Variants in GRIK1 observed in about 807,000 individuals in gnomAD.
GRIK1 encodes glutamate receptor ionotropic, kainate 1.
A neutral mutation model predicts 105.7 loss-of-function variants in GRIK1; 69 were observed. The ratio of observed to expected loss-of-function variants is 0.65; its 90% CI spans 0.54 to 0.80. The LOEUF (loss-of-function observed/expected upper bound fraction) is 0.80, where lower values mean the gene tolerates loss of function less well. Among genes scored for constraint, GRIK1 ranks in the 30% least tolerant of loss-of-function variants. GRIK1 has a pLI of 0.00. For synonymous variants in GRIK1, 438 were observed against 431.3 expected, an observed-to-expected ratio of 1.02 and a Z score of -0.19; for missense variants, 1,109 against 1,167.3, an observed-to-expected ratio of 0.95 and a Z score of 0.73.
chr21:29,834,735 A>C (rs1330263361), intron 1 of GRIK1, among the ~76,000 whole-genome samples: 1 of 151,228 alleles, frequency 6.6e-6, no homozygotes, highest in African/African-American at 2.4e-5. Flanking sequence ...ATTGCTTAGC[A>C]CATTTCTGGC....
In GRIK1 at chr21:29,689,750, T is replaced by A. The variant is rs363538; in HGVS notation, c.522A>T (p.Thr174=). ...TACCTGTGCTGTCTTCATACACCAC[T>A]GTCACTGTTTTCCAGTTGTAATAGA... ...LVLYYNWKTV[T]VVYEDSTGLI... The change falls in exon 3 of 18, where the codon ACA becomes ACT. Residue 174 remains threonine, a synonymous_variant. Transcript: ENST00000327783. The A allele has an allele frequency of 1.2e-6, 2 of 1,613,548 alleles. No homozygotes were observed. Among genetic ancestry groups the A allele is most frequent in the Admixed American group, 1.7e-5 (1 of 59,978 alleles).
intron 1 of GRIK1, among the ~76,000 whole-genome samples, chr21:29,877,730 A>T (rs944126883): frequency 6.6e-6 from 1 of 152,190 alleles, no homozygotes; most frequent in Non-Finnish European, 1.5e-5. Flanking sequence ...AATCTAACTT[A>T]AAGCTTTTTA....
intron 7 of GRIK1, among the ~76,000 whole-genome samples, chr21:29,632,145 A>G (rs1429726872): frequency 6.6e-6 from 1 of 152,144 alleles, no homozygotes; most frequent in Non-Finnish European, 1.5e-5. Flanking sequence ...TTCAAGTTCC[A>G]TGTTATCTGT....
intron 1 of GRIK1, among the ~76,000 whole-genome samples, chr21:29,851,012 C>T (rs958954350): frequency 1.3e-5 from 2 of 151,736 alleles, no homozygotes; most frequent in African/African-American, 4.8e-5. Context: ...AGCTTATTTG[C>T]TTTACAGATC....
intron 1 of GRIK1, among the ~76,000 whole-genome samples, chr21:29,852,013 T>A (rs117368946): frequency 0.024 from 3,609 of 152,308 alleles, 70 homozygotes; most frequent in Non-Finnish European, 0.038. Context: ...TTCTTACCTC[T>A]ATGGAAAAAT....
intron 7 of GRIK1, among the ~76,000 whole-genome samples, chr21:29,638,210 C>T (rs755071727): frequency 3.3e-5 from 5 of 151,846 alleles, no homozygotes; most frequent in African/African-American, 4.8e-5. Context: ...TTCTGCATGG[C>T]TGGGGAGGCC....
At chr21:29,567,593 A>G (rs114095269) in intron 14 of GRIK1, among the ~76,000 whole-genome samples, 1,584 of 152,296 alleles carry the variant, frequency 0.01, 26 homozygotes, top group African/African-American at 0.036. Flanking sequence ...ATATGCATAT[A>G]GAACAAATGA....
chr21:29,799,632 C>G (rs144259296), intron 1 of GRIK1, among the ~76,000 whole-genome samples: 1 of 152,166 alleles, frequency 6.6e-6, no homozygotes, highest in Non-Finnish European at 1.5e-5. Flanking sequence ...TGGGTTCCAG[C>G]GATTCTCTTG....
chr21:29,928,740 A>G (rs2071467774), intron 1 of GRIK1, among the ~76,000 whole-genome samples: 2 of 152,186 alleles, frequency 1.3e-5, no homozygotes, highest in South Asian at 4.1e-4. Context: ...CTGCTCAGTC[A>G]GGGATTTGGG....
chr21:29,606,695 C>CA (rs796224241), intron 7 of GRIK1, among the ~76,000 whole-genome samples: 26 of 114,580 alleles, frequency 2.3e-4, no homozygotes, highest in African/African-American at 6.1e-4. Flanking sequence ...CAAAACAAAA[C>CA]AAAAAAAACA....
chr21:29,939,341 A>G (rs1210963681), intron 1 of GRIK1, 42 bp downstream of exon 1: 1 of 1,191,880 alleles, frequency 8.4e-7, no homozygotes, highest in Admixed American at 2.0e-5. Context: ...TGGTGCGGCG[A>G]CCGACCACGT....
At position 29,560,279 on chromosome 21, in the gene GRIK1, TTTTCTTTCTTTCTTTCTTTC is replaced by T. The variant is rs56295343; in HGVS notation, c.2356+1325_2356+1344del. 4.6e-3 allele frequency among the ~76,000 whole-genome samples: 321 copies of T among 69,928 alleles called. 6 individuals are homozygous for T. The highest frequency in any genetic ancestry group is 7.7e-3 in the Middle Eastern group (1 of 130). The allele number at this position is 69,928 out of a possible 152,430, so 45.9% of individuals were successfully genotyped here. On this transcript the variant is annotated intron_variant, in intron 15 of 17. Transcript: ENST00000327783. Reference sequence around the variant, plus strand: ...TATACCAGGACCTTATATGATACAGTTTTCTTTCTTTCTTTCTTTCTTTCTTTCTTTCTTTCTTTCTTTCT... The same window carrying T: ...TATACCAGGACCTTATATGATACAGTTTTCTTTCTTTCTTTCTTTCTTTCT...
At chr21:29,601,247 A>C (rs73350412) in intron 7 of GRIK1, 2 of 509,266 alleles carry the variant, frequency 3.9e-6, no homozygotes, top group Admixed American at 1.9e-5. Flanking sequence ...AGCGGCCTTC[A>C]CCTGTTCTTG....
chr21:29,852,953 A>C (rs984486055), intron 1 of GRIK1, among the ~76,000 whole-genome samples: 9 of 152,210 alleles, frequency 5.9e-5, no homozygotes, highest in Non-Finnish European at 1.3e-4. Context: ...AATGTAATTC[A>C]TTCTGATCTT....
At chr21:29,902,543 A>G (rs969347929) in intron 1 of GRIK1, among the ~76,000 whole-genome samples, 1 of 152,232 alleles carries the variant, frequency 6.6e-6, no homozygotes, top group Non-Finnish European at 1.5e-5. Context: ...CTCATTCACA[A>G]TTGCTACTAA....
At chr21:29,574,683 CTT>C (rs71191118) in intron 14 of GRIK1, among the ~76,000 whole-genome samples, 2,087 of 98,312 alleles carry the variant, frequency 0.021, 19 homozygotes, top group African/African-American at 0.068. Context: ...TGATACACTT[CTT>C]TTTTTTTTTT....
intron 4 of GRIK1, among the ~76,000 whole-genome samples, chr21:29,669,508 A>G (rs1380716484): frequency 6.6e-6 from 1 of 152,188 alleles, no homozygotes; most frequent in Non-Finnish European, 1.5e-5. Context: ...ACTTCAGAAT[A>G]GTCATCCATT....
intron 1 of GRIK1, among the ~76,000 whole-genome samples, chr21:29,883,167 G>A (rs1468313590): frequency 6.6e-6 from 1 of 151,970 alleles, no homozygotes; most frequent in Non-Finnish European, 1.5e-5. Context: ...CCCATTTAGT[G>A]GTTTTCAGAT....
chr21:29,538,371 G>A (rs921941420), intron 16 of GRIK1, among the ~76,000 whole-genome samples: 3 of 152,136 alleles, frequency 2.0e-5, no homozygotes, highest in African/African-American at 7.2e-5. Flanking sequence ...AATAGTCAAA[G>A]TCATGAAAAC....
Sources: allele counts gnomAD v4.1 joint callset (sites outside exome capture counted in the v4.1 genomes callset), GRCh38; gene constraint gnomAD v4.1.1; transcripts MANE v1.5; gene names NCBI Gene and HGNC (gene_info 2026-07-23, HGNC 2026-07-21).